The following AHCYL2 variants were observed in gnomAD, a reference collection of about 807,000 sequenced individuals.
AHCYL2 encodes adenosylhomocysteinase like 2.
AHCYL2 carries 28 observed loss-of-function variants against 81.4 expected under a neutral mutation model. The observed-to-expected ratio is 0.34, with a 90% confidence interval of 0.25 to 0.47. The LOEUF (loss-of-function observed/expected upper bound fraction) is 0.47, where lower values mean the gene tolerates loss of function less well. Ranked by LOEUF, AHCYL2 falls within the 20% of genes least tolerant of loss-of-function variation. The pLI is 1.00. For missense variants in AHCYL2, 551 were observed against 785.1 expected (o/e 0.70, Z 3.56); for synonymous variants, 272 against 290.2 (o/e 0.94, Z 0.64).
intron 1 of AHCYL2, among the ~76,000 whole-genome samples, chr7:129,308,791 G>A (rs1236063077): frequency 2.0e-5 from 3 of 152,220 alleles, no homozygotes; most frequent in South Asian, 4.1e-4. Context: ...AGCATGTGGG[G>A]TTGGTATTGG....
intron 1 of AHCYL2, among the ~76,000 whole-genome samples, chr7:129,323,380 TTC>T (rs1357003636): frequency 2.0e-5 from 3 of 152,306 alleles, no homozygotes; most frequent in African/African-American, 7.2e-5. Flanking sequence ...CCAGACATGT[TTC>T]TGTTTTTTAA....
Position 129,368,227 on chromosome 7 carries a change from G to T in AHCYL2, c.364-11411G>T. The stretch of plus-strand genomic sequence containing the variant: ...GTGAGTGCCCTGTGAGAAGCACAGT[G>T]CCTGGGTGCAGCACTTTGCATCAGC... On this transcript the variant is annotated intron_variant, in intron 1 of 16. Transcript: ENST00000325006. This position sits in a 1 kb window ranked among gnomAD's most constrained non-coding sequence, Gnocchi z 4.4. 7.5e-7 allele frequency: 1 copy of T among 1,329,564 alleles called. No homozygotes were observed. Among genetic ancestry groups the T allele is most frequent in the East Asian group, 3.0e-5 (1 of 33,118 alleles). 82.4% of individuals were successfully genotyped at this position (1,329,564 alleles called of 1,614,324 possible). A position where few individuals can be genotyped will look rare whatever the true frequency, so the allele number is the denominator to read the frequency against.
At chr7:129,416,825 A>G (rs934414842) in intron 12 of AHCYL2, among the ~76,000 whole-genome samples, 2 of 151,488 alleles carry the variant, frequency 1.3e-5, no homozygotes, top group African/African-American at 2.4e-5. Flanking sequence ...GAAAAAGAAT[A>G]TGATGTTTGA....
In AHCYL2 at chr7:129,377,490, T is replaced by A; in HGVS notation, c.364-2148T>A. 2 of 455,672 alleles carry A rather than the reference T, an allele frequency of 4.4e-6. 1 individual carries two copies. The highest frequency in any genetic ancestry group is 3.1e-5 in the South Asian group (2 of 64,278). The allele number at this position is 455,672 out of a possible 1,614,324, so 28.2% of individuals were successfully genotyped here. A position where few individuals can be genotyped will look rare whatever the true frequency, so the allele number is the denominator to read the frequency against. On this transcript the variant is annotated intron_variant, in intron 1 of 16. Transcript: ENST00000325006. ...AATGTGAAGCTATTTCAATTTGGCA[T>A]TGGTCCCTTGTCGCAATACTCAAGT...
chr7:129,400,406 A>G (rs374395207), intron 6 of AHCYL2, 22 bp downstream of exon 6: 2 of 1,609,652 alleles, frequency 1.2e-6, no homozygotes, highest in Non-Finnish European at 1.7e-6. Flanking sequence ...TTCTGCTAAC[A>G]CAATTCTGTA....
intron 2 of AHCYL2, chr7:129,388,731 T>A (rs1400625891): frequency 4.4e-6 from 1 of 225,220 alleles, no homozygotes; most frequent in African/African-American, 2.3e-5. Context: ...AAAACCCATA[T>A]GTTAATGACC....
chr7:129,327,543 TG>T (rs1798266047), intron 1 of AHCYL2, among the ~76,000 whole-genome samples: 1 of 152,156 alleles, frequency 6.6e-6, no homozygotes, highest in Non-Finnish European at 1.5e-5. Flanking sequence ...CTTGGCTTAC[TG>T]CAACCTCTGC....
At chr7:129,400,820 G>GA (rs1359289663) in intron 6 of AHCYL2, among the ~76,000 whole-genome samples, 1 of 151,532 alleles carries the variant, frequency 6.6e-6, no homozygotes, top group Non-Finnish European at 1.5e-5. Context: ...GTCAGGACTA[G>GA]AAAAAAAATA....
rs775999611 is a variant in AHCYL2 at position 129,424,957 on chromosome 7, G to A, written c.1629+15G>A. 6.2e-7 allele frequency: 1 copy of A among 1,614,062 alleles called. No individual in the cohort carries two copies. On this transcript the variant is annotated intron_variant, in intron 14 of 16. Transcript: ENST00000325006. The stretch of plus-strand genomic sequence containing the variant: ...CTACTACTCAGGTAAGGCTTCCAGA[G>A]TGGGATAGCAGTAGTCTGGAGAAGG...
intron 1 of AHCYL2, 136 bp downstream of exon 1, chr7:129,225,575 C>T: frequency 7.4e-7 from 1 of 1,356,814 alleles, no homozygotes; most frequent in South Asian, 1.7e-5. Context: ...CCCCTTAAAC[C>T]CACTCTCTCA....
chr7:129,394,271 A>G (rs1795607667), intron 4 of AHCYL2, among the ~76,000 whole-genome samples: 1 of 151,714 alleles, frequency 6.6e-6, no homozygotes, highest in Non-Finnish European at 1.5e-5. Context: ...CAGCCTTTCA[A>G]AGCGCTAGGG....
At chr7:129,338,595 C>A (rs989918334) in intron 1 of AHCYL2, among the ~76,000 whole-genome samples, 1 of 152,138 alleles carries the variant, frequency 6.6e-6, no homozygotes, top group South Asian at 2.1e-4. Flanking sequence ...TCGGATCTTT[C>A]CTGTTCTGAT....
At chr7:129,396,155 C>T (rs1795728353) in intron 4 of AHCYL2, among the ~76,000 whole-genome samples, 2 of 152,316 alleles carry the variant, frequency 1.3e-5, no homozygotes, top group East Asian at 3.9e-4. Flanking sequence ...CGGAGTCTTG[C>T]TCTGTTGCCC....
chr7:129,334,770 G>C (rs1798536405), intron 1 of AHCYL2, among the ~76,000 whole-genome samples: 1 of 152,080 alleles, frequency 6.6e-6, no homozygotes, highest in Admixed American at 6.6e-5. Flanking sequence ...TTTAAATCTG[G>C]GTTCTTTGGA....
intron 1 of AHCYL2, chr7:129,375,558 T>A (rs1187691408): frequency 8.7e-7 from 1 of 1,152,790 alleles, no homozygotes; most frequent in East Asian, 4.4e-5. Flanking sequence ...GTCAAGGGAC[T>A]TGCAAGGTTT....
chr7:129,380,102 G>T (rs1794887280), intron 2 of AHCYL2, among the ~76,000 whole-genome samples: 2 of 150,408 alleles, frequency 1.3e-5, no homozygotes, highest in East Asian at 2.0e-4. Context: ...AAATAAAAAA[G>T]AAATTCTTCA....
rs1394018615 is a variant in AHCYL2, at chr7:129,287,188, TATAAA to T, written c.363+61754_363+61758del. Among the ~76,000 whole-genome samples, 12 of 152,206 alleles carry T rather than the reference TATAAA, an allele frequency of 7.9e-5. No individual in the cohort carries two copies. The East Asian group carries it at 1.2e-3, about 15-fold the overall frequency. Reference sequence around the variant, plus strand: ...CCTCTGGAAAACTCCACTGTACACTTATAAAATAATAAGAGTAAAAAGAACAAATA... The same window carrying T: ...CCTCTGGAAAACTCCACTGTACACTTATAATAAGAGTAAAAAGAACAAATA... On this transcript the variant is annotated intron_variant, in intron 1 of 16. Coordinates refer to ENST00000325006, the MANE Select transcript of AHCYL2 (RefSeq NM_015328.4).
chr7:129,309,298 G>A (rs1166332453), intron 1 of AHCYL2, among the ~76,000 whole-genome samples: 1 of 151,942 alleles, frequency 6.6e-6, no homozygotes, highest in African/African-American at 2.4e-5. Flanking sequence ...CAGCACTTTG[G>A]GAGGCCAAGA....
At chr7:129,328,271 G>C (rs574919692) in intron 1 of AHCYL2, among the ~76,000 whole-genome samples, 25 of 151,712 alleles carry the variant, frequency 1.6e-4, no homozygotes, top group African/African-American at 5.8e-4. Flanking sequence ...TCTGCCTCTC[G>C]GGTTCAAGTG....
Sources: allele counts gnomAD v4.1 joint callset (sites outside exome capture counted in the v4.1 genomes callset), GRCh38; gene constraint gnomAD v4.1.1; non-coding constraint Gnocchi (gnomAD v3.1); transcripts MANE v1.5; gene names NCBI Gene and HGNC (gene_info 2026-07-23, HGNC 2026-07-21).